Variants in ZNF638 observed in about 807,000 individuals in gnomAD.
ZNF638 encodes zinc finger protein 638.
Under a neutral mutation model 195.6 loss-of-function variants are expected in ZNF638, and 46 were observed. The observed-to-expected ratio is 0.24, with a 90% CI of 0.19 to 0.30. ZNF638 has a LOEUF of 0.30. Among genes scored for constraint, ZNF638 ranks in the 10% least tolerant of loss-of-function variants. ZNF638 has a pLI of 1.00. For missense variants in ZNF638, 2,440 were observed against 2,325.3 expected (o/e 1.05, Z -1.01); for synonymous variants, 845 against 772.0 (o/e 1.09, Z -1.57).
At chr2:71,354,485 A>C (rs1401748952) in intron 2 of ZNF638, among the ~76,000 whole-genome samples, 1 of 152,158 alleles carries the variant, frequency 6.6e-6, no homozygotes, top group African/African-American at 2.4e-5. Context: ...CTGTAATCCT[A>C]ACACTTTTGG....
At position 71,350,116 on chromosome 2, in the gene ZNF638, G is replaced by A. The variant is rs1331173093; in HGVS notation, c.1162G>A (p.Val388Met). ...TCCCATTCGGTCTCCCTTTGGTATT[G>A]TGAAAGCATCCTGGCTACCAAAGTT... is the stretch of plus-strand genomic sequence containing the variant. ...DIPIRSPFGIVKASWLPKFSH... is the reference protein window; with the variant it reads ...DIPIRSPFGIMKASWLPKFSH... The change falls in exon 2 of 28, where the codon GTG (valine) becomes ATG (methionine). Residue 388 changes from valine (V) to methionine (M), a missense_variant. Val to Met is a conservative substitution (Grantham distance 21). Transcript: ENST00000264447. 6.2e-7 allele frequency: 1 copy of A among 1,614,088 alleles called. No individual in the cohort carries two copies. The highest frequency in any genetic ancestry group is 1.1e-5 in the South Asian group (1 of 91,088).
At chr2:71,372,696 C>A (rs772846251) in intron 8 of ZNF638, among the ~76,000 whole-genome samples, 9 of 152,182 alleles carry the variant, frequency 5.9e-5, no homozygotes, top group African/African-American at 1.9e-4. Flanking sequence ...ATGGGATGAA[C>A]AGTGTAGGGT....
At chr2:71,356,294 G>A (rs1178557283) in intron 3 of ZNF638, among the ~76,000 whole-genome samples, 2 of 152,122 alleles carry the variant, frequency 1.3e-5, no homozygotes, top group East Asian at 1.9e-4. Context: ...TAAAGACAGG[G>A]CACCTGTGAA....
Position 71,399,583 on chromosome 2 carries a change from T to C in ZNF638, c.2525T>C (p.Leu842Pro), listed in dbSNP as rs1212343574. The change falls in exon 13 of 28, where the codon CTA becomes CCA. Residue 842 changes from leucine (L) to proline (P), a missense_variant. Leu to Pro is a moderately conservative substitution (Grantham distance 98, BLOSUM62 -3). Around this residue, in one of 5 missense-constraint regions of ZNF638, gnomAD observed 1,883 missense variants for 1,739.1 expected, o/e 1.08. Coordinates refer to ENST00000264447, the MANE Select transcript of ZNF638 (RefSeq NM_014497.5). Reference protein sequence around the residue: ...KTAKSGGKKSLEAKKTGNVKN... With the variant: ...KTAKSGGKKSPEAKKTGNVKN... ...GCAAAATCTGGTGGAAAGAAGTCTC[T>C]AGAAGCCAAAAAGACTGGGAATGTC... 1.9e-6 allele frequency: 3 copies of C among 1,612,762 alleles called. No individual in the cohort carries two copies. Among genetic ancestry groups the C allele is most frequent in the Non-Finnish European group, 8.5e-7 (1 of 1,179,250 alleles).
At chr2:71,429,125 CAAAA>C (rs928193835) in intron 25 of ZNF638, among the ~76,000 whole-genome samples, 10 of 152,110 alleles carry the variant, frequency 6.6e-5, no homozygotes, top group South Asian at 2.1e-4. Context: ...AAAGGGTAGA[CAAAA>C]GAAAGTACAT....
At position 71,392,815 on chromosome 2, in the gene ZNF638, T is replaced by C. The variant is rs185076885; in HGVS notation, c.2378-3326T>C. 1.2e-4 allele frequency among the ~76,000 whole-genome samples: 19 copies of C among 152,288 alleles called. No homozygotes were observed. In the East Asian group the frequency reaches 2.9e-3, roughly 23 times the overall value. ...CTCTTCCTTGAACAGGTGTTAACCTTAGAGGACTAGAACCTTATCCATTAT... is the reference window on the plus strand; with the variant it reads ...CTCTTCCTTGAACAGGTGTTAACCTCAGAGGACTAGAACCTTATCCATTAT... On this transcript the variant is annotated intron_variant, in intron 10 of 27. Coordinates refer to ENST00000264447, the MANE Select transcript of ZNF638 (RefSeq NM_014497.5).
intron 2 of ZNF638, among the ~76,000 whole-genome samples, chr2:71,354,715 C>G (rs1388360556): frequency 7.1e-6 from 1 of 140,568 alleles, no homozygotes; most frequent in Non-Finnish European, 1.5e-5. Context: ...CCAGCCTAGG[C>G]AGCAAGAGTG....
chr2:71,420,998 T>C (rs2152600114), intron 21 of ZNF638, among the ~76,000 whole-genome samples: 1 of 152,284 alleles, frequency 6.6e-6, no homozygotes, highest in South Asian at 2.1e-4. Flanking sequence ...TAATAACTTT[T>C]TTATTGAAAA....
Position 71,355,729 on chromosome 2 carries a change from A to T in ZNF638, c.1328A>T (p.Gln443Leu). ...VECSHLKDWIQHQNTSTHIES... is the reference protein window; with the variant it reads ...VECSHLKDWILHQNTSTHIES... ...CTCCTTTTACAATAGGATTGGATTC[A>T]GCATCAAAATACATCTACTCATATT... The change falls in exon 3 of 28, where the codon CAG (glutamine) becomes CTG (leucine). Residue 443 changes from glutamine (Q) to leucine (L), a missense_variant. Physicochemically the swap from Gln to Leu is moderately radical, Grantham distance 113. Coordinates refer to ENST00000264447, the MANE Select transcript of ZNF638 (RefSeq NM_014497.5). The T allele has an allele frequency of 6.3e-7, 1 of 1,598,094 alleles. No individual in the cohort carries two copies. The highest frequency in any genetic ancestry group is 8.5e-7 in the Non-Finnish European group (1 of 1,171,346).
At position 71,340,084 on chromosome 2, in the gene ZNF638, T is replaced by C. The variant is rs370958832; in HGVS notation, c.-203+8209T>C. Among the ~76,000 whole-genome samples, 106 of 152,358 alleles carry C rather than the reference T, an allele frequency of 7.0e-4. No individual in the cohort carries two copies. In the South Asian group the frequency reaches 0.017, roughly 24 times the overall value. On this transcript the variant is annotated intron_variant, in intron 1 of 27. Transcript: ENST00000264447. ...TGGTTCTCATGGAGATCTCTTAACA[T>C]TGTGCATTAGCAGTTTTCCATTTTT...
chr2:71,427,281 TA>T lies in ZNF638; in HGVS notation c.5418del (p.Asn1808IlefsTer23). ...AQSKNDHPTD[K>X]KGNRKKRAVD... ...AAAGCAAAAATGACCATCCCACAGA[TA>T]AAAAAGGGAATAGAAAGAAGAGAGC... On this transcript the variant is annotated frameshift_variant, in exon 24 of 28. Transcript: ENST00000264447. LOFTEE classifies it high-confidence loss of function. 6.2e-7 allele frequency: 1 copy of T among 1,612,986 alleles called. No individual in the cohort carries two copies. The highest frequency in any genetic ancestry group is 8.5e-7 in the Non-Finnish European group (1 of 1,179,728).
Position 71,402,009 on chromosome 2 carries a change from T to C in ZNF638, c.2751T>C (p.Tyr917=), listed in dbSNP as rs1573124826. 6.2e-7 allele frequency: 1 copy of C among 1,607,066 alleles called. No homozygotes were observed. The highest frequency in any genetic ancestry group is 2.2e-5 in the East Asian group (1 of 44,640). The part of the protein sequence containing the change: ...MLVSNLPNKG[Y]SVEEVYDLAK... Reference sequence around the variant, plus strand: ...TCTCTAATTTGCCTAATAAAGGATATTCTGTAGAAGAAGTTTATGACTTAG... The same window carrying C: ...TCTCTAATTTGCCTAATAAAGGATACTCTGTAGAAGAAGTTTATGACTTAG... The change falls in exon 16 of 28, where the codon TAT becomes TAC. Residue 917 remains tyrosine, a synonymous_variant. Coordinates refer to ENST00000264447, the MANE Select transcript of ZNF638 (RefSeq NM_014497.5).
chr2:71,396,459 C>T (rs2079896821), intron 11 of ZNF638, among the ~76,000 whole-genome samples: 1 of 152,226 alleles, frequency 6.6e-6, no homozygotes, highest in East Asian at 1.9e-4. Context: ...GGTCTCTCTT[C>T]TTCCTTACTT....
At chr2:71,419,974 C>CCCTTTTTTTTTT (rs1189202093) in intron 21 of ZNF638, among the ~76,000 whole-genome samples, 2 of 27,022 alleles carry the variant, frequency 7.4e-5, no homozygotes, top group African/African-American at 3.2e-4. Flanking sequence ...CCCCCCCCGC[C>CCCTTTTTTTTTT]TTTTTTTTTT....
chr2:71,417,247 C>T (rs1170640379), intron 20 of ZNF638, among the ~76,000 whole-genome samples: 1 of 151,508 alleles, frequency 6.6e-6, no homozygotes, highest in Non-Finnish European at 1.5e-5. Context: ...TTTCCAGGTG[C>T]GTCCGTCACC....
In ZNF638 at chr2:71,363,134, T is replaced by C. The variant is rs770324086; in HGVS notation, c.1380-19T>C. 1.9e-6 allele frequency: 3 copies of C among 1,580,070 alleles called. No homozygotes were observed. The highest frequency in any genetic ancestry group is 2.6e-6 in the Non-Finnish European group (3 of 1,155,252). On this transcript the variant is annotated intron_variant, in intron 3 of 27. Transcript: ENST00000264447. Reference sequence around the variant, plus strand: ...GTCTGATTTTAGCTGTTAGTTAATATTGTTTATTTTCAAAATAGGTATCCT... The same window carrying C: ...GTCTGATTTTAGCTGTTAGTTAATACTGTTTATTTTCAAAATAGGTATCCT...
chr2:71,387,425 C>CT lies in ZNF638; in HGVS notation c.2377+6863dup, dbSNP rs199876954. ...GTGGCTGACGCCTGTAATCCCAGCACTTTCGGAGGCCAAGGTGGCTGGATC... is the reference window on the plus strand; with the variant it reads ...GTGGCTGACGCCTGTAATCCCAGCACTTTTCGGAGGCCAAGGTGGCTGGATC... On this transcript the variant is annotated intron_variant, in intron 10 of 27. Transcript: ENST00000264447. Among the ~76,000 whole-genome samples the CT allele has an allele frequency of 9.1e-3, 1,380 of 152,154 alleles. 16 individuals carry two copies. The highest frequency in any genetic ancestry group is 0.03 in the African/African-American group (1,261 of 41,496).
chr2:71,357,926 T>G (rs1308593628), intron 3 of ZNF638, among the ~76,000 whole-genome samples: 1 of 152,138 alleles, frequency 6.6e-6, no homozygotes, highest in African/African-American at 2.4e-5. Context: ...GCCATTTTTC[T>G]TTTTGTTTTT....
chr2:71,408,787 A>G, intron 20 of ZNF638: 1 of 421,094 alleles, frequency 2.4e-6, no homozygotes, highest in Non-Finnish European at 4.7e-6. Flanking sequence ...GAGGTAAGTA[A>G]TAGGACCTTA....
Sources: allele counts gnomAD v4.1 joint callset (sites outside exome capture counted in the v4.1 genomes callset), GRCh38; gene constraint gnomAD v4.1.1; regional missense constraint gnomAD v4.1.1; transcripts MANE v1.5; gene names NCBI Gene and HGNC (gene_info 2026-07-23, HGNC 2026-07-21).